GABBR2: variants seen among roughly 807,000 people sequenced by gnomAD.
GABBR2 encodes the protein G-protein coupled receptor 51.
In GABBR2, 23 loss-of-function variants were observed where a neutral mutation model predicts 105.6. That is an observed-to-expected ratio of 0.22 (90% CI 0.16 to 0.31). The LOEUF (loss-of-function observed/expected upper bound fraction) is 0.31, where lower values mean the gene tolerates loss of function less well. GABBR2 is among the 10% of genes least tolerant of loss of function. The probability of loss-of-function intolerance (pLI) is 1.00; values close to 1 mark genes in which losing one functional copy is unlikely to be tolerated. For missense variants in GABBR2, 734 were observed against 1,245.5 expected, an observed-to-expected ratio of 0.59 and a Z score of 6.18; for synonymous variants, 478 against 499.7, an observed-to-expected ratio of 0.96 and a Z score of 0.58.
chr9:98,424,275 T>C (rs1252772347), intron 7 of GABBR2, among the ~76,000 whole-genome samples: 1 of 152,124 alleles, frequency 6.6e-6, no homozygotes, highest in Non-Finnish European at 1.5e-5. Flanking sequence ...TTGACAAAAT[T>C]CAACAACGCT....
chr9:98,429,114 G>C (rs1444883204), intron 7 of GABBR2, among the ~76,000 whole-genome samples: 1 of 147,602 alleles, frequency 6.8e-6, no homozygotes. Context: ...AACTCACCCA[G>C]GTTTTTGGTG....
chr9:98,632,793 G>T (rs76312077), intron 1 of GABBR2, among the ~76,000 whole-genome samples: 1 of 152,308 alleles, frequency 6.6e-6, no homozygotes, highest in Middle Eastern at 3.4e-3. Flanking sequence ...CAAAATCCTT[G>T]AGCATGATAA....
At chr9:98,511,935 C>G (rs1827652364) in intron 3 of GABBR2, among the ~76,000 whole-genome samples, 1 of 152,194 alleles carries the variant, frequency 6.6e-6, no homozygotes, top group African/African-American at 2.4e-5. Context: ...GATACCAAAG[C>G]CTGGTAGAGA....
chr9:98,648,108 T>TAGATAGATA (rs1177577717), intron 1 of GABBR2, among the ~76,000 whole-genome samples: 6 of 71,720 alleles, frequency 8.4e-5, no homozygotes, highest in South Asian at 5.3e-4. Flanking sequence ...TGTGTGTGTG[T>TAGATAGATA]GTGTGTGTAT....
intron 11 of GABBR2, among the ~76,000 whole-genome samples, chr9:98,371,857 C>G (rs1411634902): frequency 2.0e-5 from 3 of 151,366 alleles, no homozygotes; most frequent in Middle Eastern, 3.4e-3. Context: ...ACAGAGGGCC[C>G]CCAGGACTGC....
chr9:98,536,622 C>T (rs2131734121), intron 3 of GABBR2, among the ~76,000 whole-genome samples: 1 of 152,250 alleles, frequency 6.6e-6, no homozygotes, highest in South Asian at 2.1e-4. Context: ...GCTCCTTGCC[C>T]TAAATTCCAG....
intron 3 of GABBR2, among the ~76,000 whole-genome samples, chr9:98,538,810 GT>G (rs1260504175): frequency 2.0e-5 from 3 of 152,164 alleles, no homozygotes; most frequent in Non-Finnish European, 4.4e-5. Flanking sequence ...ATGAAAAGCT[GT>G]TAGCCCCTGG....
At chr9:98,679,149 C>T (rs915322337) in intron 1 of GABBR2, among the ~76,000 whole-genome samples, 4 of 152,162 alleles carry the variant, frequency 2.6e-5, no homozygotes, top group African/African-American at 9.7e-5. Flanking sequence ...TGTGGATGCT[C>T]ATGACTTCTG....
At chr9:98,385,859 T>A (rs1339111148) in intron 10 of GABBR2, 87 bp from the exon 11 acceptor site, 1 of 1,066,314 alleles carries the variant, frequency 9.4e-7, no homozygotes, top group African/African-American at 1.6e-5. Context: ...CTGCTAGATA[T>A]ATATTGTTGC....
At chr9:98,680,340 C>T (rs977281686) in intron 1 of GABBR2, among the ~76,000 whole-genome samples, 8 of 152,090 alleles carry the variant, frequency 5.3e-5, no homozygotes. Context: ...GAGTCTCGCT[C>T]TGTCATCCAG....
At chr9:98,585,509 GAGGGA>G in intron 1 of GABBR2, among the ~76,000 whole-genome samples, 2 of 119,358 alleles carry the variant, frequency 1.7e-5, no homozygotes, top group South Asian at 7.0e-4. Context: ...GGGGAGTGGG[GAGGGA>G]TAGCATTAGG....
intron 1 of GABBR2, among the ~76,000 whole-genome samples, chr9:98,622,132 ATATTT>A (rs568569955): frequency 6.6e-6 from 1 of 151,972 alleles, no homozygotes; most frequent in Non-Finnish European, 1.5e-5. Flanking sequence ...CAACTCACAT[ATATTT>A]TATTTTATTT....
intron 1 of GABBR2, among the ~76,000 whole-genome samples, chr9:98,599,686 C>T (rs1050021713): frequency 6.6e-6 from 1 of 152,206 alleles, no homozygotes; most frequent in Non-Finnish European, 1.5e-5. Context: ...GCAGGGCATG[C>T]GGGTATACAG....
intron 1 of GABBR2, among the ~76,000 whole-genome samples, chr9:98,700,803 T>C (rs147769766): frequency 1.3e-3 from 202 of 152,336 alleles, no homozygotes; most frequent in African/African-American, 4.8e-3. Flanking sequence ...AAAAGTCCAG[T>C]GTGCCTTCCC....
intron 4 of GABBR2, among the ~76,000 whole-genome samples, chr9:98,492,871 G>A (rs1328110368): frequency 1.3e-5 from 2 of 152,112 alleles, no homozygotes; most frequent in African/African-American, 2.4e-5. Context: ...TGATTGCCTC[G>A]CTAAGGGAAC....
At chr9:98,606,748 G>T in intron 1 of GABBR2, 1 of 260,462 alleles carries the variant, frequency 3.8e-6, no homozygotes, top group South Asian at 4.5e-5. Context: ...CCAAAGTGCT[G>T]GGATTACAGG....
intron 8 of GABBR2, among the ~76,000 whole-genome samples, chr9:98,400,184 CTTTT>C (rs552889618): frequency 4.9e-4 from 67 of 136,304 alleles, no homozygotes; most frequent in African/African-American, 1.8e-3. Context: ...GAGACCCTGC[CTTTT>C]TTTTTTTTAA....
At chr9:98,658,555 A>G (rs1830213931) in intron 1 of GABBR2, among the ~76,000 whole-genome samples, 1 of 152,102 alleles carries the variant, frequency 6.6e-6, no homozygotes, top group Admixed American at 6.6e-5. Flanking sequence ...CGCTCTGTCA[A>G]CCCTCCAGAG....
intron 1 of GABBR2, among the ~76,000 whole-genome samples, chr9:98,703,981 G>A (rs147772432): frequency 6.6e-6 from 1 of 151,872 alleles, no homozygotes; most frequent in East Asian, 1.9e-4. Context: ...TAATTCCATG[G>A]TTTTTAGTAC....
Sources: allele counts gnomAD v4.1 joint callset (sites outside exome capture counted in the v4.1 genomes callset), GRCh38; gene constraint gnomAD v4.1.1; transcripts MANE v1.5; gene names NCBI Gene and HGNC (gene_info 2026-07-23, HGNC 2026-07-21).